NTRK3: variants seen among roughly 807,000 people sequenced by gnomAD.
The protein encoded by NTRK3 is NT-3 growth factor receptor.
NTRK3 carries 24 observed loss-of-function variants against 91.7 expected under a neutral mutation model. That is an observed-to-expected ratio of 0.26 (90% CI 0.19 to 0.37). NTRK3 has a LOEUF of 0.37. Among genes scored for constraint, NTRK3 ranks in the 10% least tolerant of loss-of-function variants. The pLI is 1.00. For synonymous variants in NTRK3, 483 were observed against 404.0 expected (o/e 1.20, Z -2.34); for missense variants, 880 against 1,068.9 (o/e 0.82, Z 2.46).
chr15:88,111,901 TG>T (rs1241803575), intron 13 of NTRK3, among the ~76,000 whole-genome samples: 4 of 94,918 alleles, frequency 4.2e-5, no homozygotes, highest in Non-Finnish European at 6.5e-5. Context: ...GTTTTTTTTT[TG>T]TTTTTGTTTT....
intron 13 of NTRK3, among the ~76,000 whole-genome samples, chr15:88,054,773 A>G (rs1056263707): frequency 2.0e-5 from 3 of 152,108 alleles, no homozygotes; most frequent in African/African-American, 7.2e-5. Context: ...TGATGATGAT[A>G]ACAATAATAA....
intron 3 of NTRK3, among the ~76,000 whole-genome samples, chr15:88,222,417 G>A (rs2050309438): frequency 6.6e-6 from 1 of 152,200 alleles, no homozygotes; most frequent in Non-Finnish European, 1.5e-5. Flanking sequence ...ATTCAGGCAG[G>A]ATCCACAGTT....
At chr15:88,247,958 A>G (rs1393575964) in intron 3 of NTRK3, among the ~76,000 whole-genome samples, 2 of 152,154 alleles carry the variant, frequency 1.3e-5, no homozygotes, top group Non-Finnish European at 2.9e-5. Context: ...CCAGCGCTTT[A>G]GACACCCCCC....
exon 19 of NTRK3, chr15:87,871,016 T>C (rs1230504056): frequency 8.7e-6 from 2 of 230,700 alleles, no homozygotes; most frequent in Non-Finnish European, 1.7e-5. Context: ...AGACATTATC[T>C]CCTACTGCAA....
intron 5 of NTRK3, among the ~76,000 whole-genome samples, chr15:88,156,061 T>C (rs554777508): frequency 6.6e-6 from 1 of 152,166 alleles, no homozygotes; most frequent in Non-Finnish European, 1.5e-5. Flanking sequence ...AGTCAACAGG[T>C]AGAAAACTGT....
At chr15:87,964,578 A>G (rs1215518640) in intron 14 of NTRK3, among the ~76,000 whole-genome samples, 1 of 152,142 alleles carries the variant, frequency 6.6e-6, no homozygotes, top group Non-Finnish European at 1.5e-5. Context: ...TGGTATAATC[A>G]CCAGCATAAA....
rs188243626 is a variant in NTRK3, at chr15:88,112,186, G to A, written c.1396+14085C>T. Among the ~76,000 whole-genome samples, 25 of 152,282 alleles carry A rather than the reference G, an allele frequency of 1.6e-4. No individual in the cohort carries two copies. In the East Asian group the frequency reaches 2.3e-3, roughly 14 times the overall value. ...CTCCCAAAGTGCTAGGATTACAGGC[G>A]TGAGCCACCATGCTCAGCCTCTGGT... On this transcript the variant is annotated intron_variant, in intron 13 of 18. Transcript: ENST00000394480.
Position 87,914,290 on chromosome 15 carries a change from T to C in NTRK3, c.2133+14901A>G, listed in dbSNP as rs1361533242. On this transcript the variant is annotated intron_variant, in intron 17 of 18. Transcript: ENST00000394480. ...TCCATTCTTATGGGTATTTTAATTA[T>C]TGTGAGACCTTCTCCAGTCCTCTGC... is the stretch of plus-strand genomic sequence containing the variant. 2.0e-5 allele frequency among the ~76,000 whole-genome samples: 3 copies of C among 152,244 alleles called. No individual in the cohort carries two copies. The East Asian group carries it at 5.8e-4, about 29-fold the overall frequency.
chr15:87,962,116 T>C (rs1046569263), intron 14 of NTRK3, among the ~76,000 whole-genome samples: 4 of 152,216 alleles, frequency 2.6e-5, no homozygotes, highest in African/African-American at 7.2e-5. Flanking sequence ...ATTGCACTTA[T>C]TGGTTTCAAC....
At chr15:88,149,930 T>C (rs144759550) in intron 5 of NTRK3, among the ~76,000 whole-genome samples, 1 of 152,234 alleles carries the variant, frequency 6.6e-6, no homozygotes, top group Non-Finnish European at 1.5e-5. Flanking sequence ...CACAACAGCA[T>C]CACGGCAGCA....
chr15:87,934,841 G>A (rs1055975296), intron 15 of NTRK3, among the ~76,000 whole-genome samples: 1 of 152,160 alleles, frequency 6.6e-6, no homozygotes, highest in African/African-American at 2.4e-5. Flanking sequence ...TGCCTCTAAG[G>A]TCATCAAGTG....
At chr15:88,024,462 G>T (rs1033199068) in intron 14 of NTRK3, among the ~76,000 whole-genome samples, 1 of 152,168 alleles carries the variant, frequency 6.6e-6, no homozygotes, top group African/African-American at 2.4e-5. Flanking sequence ...TTTGTTGACT[G>T]ACTGAAGGAG....
chr15:88,009,718 T>C (rs1244916065), intron 14 of NTRK3, among the ~76,000 whole-genome samples: 5 of 152,170 alleles, frequency 3.3e-5, no homozygotes, highest in Admixed American at 1.3e-4. Context: ...AAATGACCTG[T>C]GAAAGGATTT....
intron 14 of NTRK3, among the ~76,000 whole-genome samples, chr15:87,956,570 G>A (rs976923692): frequency 5.8e-5 from 8 of 136,824 alleles, no homozygotes; most frequent in East Asian, 2.3e-4. Context: ...CACAATGCCC[G>A]GCCTTTTTTC....
rs967449717 is a variant in NTRK3 at position 87,936,092 on chromosome 15, C to T, written c.1717-2908G>A. On this transcript the variant is annotated intron_variant, in intron 15 of 18. Transcript: ENST00000394480. ...GGCCGGTGACTCTCTGGCCCCTCTCCGTGGGGTCCACATTTAACATCTTCA... is the reference window on the plus strand; with the variant it reads ...GGCCGGTGACTCTCTGGCCCCTCTCTGTGGGGTCCACATTTAACATCTTCA... Among the ~76,000 whole-genome samples the T allele has an allele frequency of 7.2e-5, 11 of 152,284 alleles. No homozygotes were observed. The East Asian group carries it at 7.7e-4, about 11-fold the overall frequency.
chr15:87,893,873 TC>T (rs1351781590), intron 17 of NTRK3, among the ~76,000 whole-genome samples: 1 of 152,164 alleles, frequency 6.6e-6, no homozygotes, highest in Admixed American at 6.5e-5. Flanking sequence ...GATTCAAGCT[TC>T]CTCTGTATTC....
intron 3 of NTRK3, among the ~76,000 whole-genome samples, chr15:88,253,886 C>T (rs1264528718): frequency 6.6e-6 from 1 of 152,172 alleles, no homozygotes; most frequent in Non-Finnish European, 1.5e-5. Context: ...TTTCTGGCAG[C>T]CTAGAAAGGC....
intron 13 of NTRK3, among the ~76,000 whole-genome samples, chr15:88,078,184 T>G (rs939787699): frequency 2.6e-5 from 4 of 152,246 alleles, no homozygotes; most frequent in African/African-American, 9.6e-5. Flanking sequence ...CTCTGTCCTC[T>G]TAGCATGGGC....
intron 14 of NTRK3, among the ~76,000 whole-genome samples, chr15:87,996,507 G>A (rs2075716027): frequency 1.3e-5 from 2 of 152,176 alleles, no homozygotes; most frequent in Non-Finnish European, 2.9e-5. Context: ...AGGAGGCAGT[G>A]TCTGGGCTGC....
Sources: gnomAD v4.1 joint callset for allele counts (sites outside exome capture counted in the v4.1 genomes callset) on GRCh38, gnomAD v4.1.1 for gene constraint, MANE v1.5 for transcripts, NCBI Gene and HGNC (gene_info 2026-07-23, HGNC 2026-07-21) for gene names.